Variants in KAZN observed in about 807,000 individuals in gnomAD.
KAZN encodes kazrin, periplakin interacting protein.
KAZN carries 40 observed loss-of-function variants against 87.4 expected under a neutral mutation model. The ratio of observed to expected loss-of-function variants is 0.46; its 90% CI spans 0.36 to 0.60. The LOEUF is 0.60. KAZN is among the 20% of genes least tolerant of loss of function. KAZN has a pLI of 0.00. For missense variants in KAZN, 898 were observed against 1,073.9 expected, an observed-to-expected ratio of 0.84 and a Z score of 2.29; for synonymous variants, 466 against 458.3, an observed-to-expected ratio of 1.02 and a Z score of -0.22.
At position 14,773,250 on chromosome 1, in the gene KAZN, C is replaced by T. The variant is rs1645071344; in HGVS notation, c.226+174027C>T. ...CCGGAAGAGATCTGATACTGAGATC[C>T]CGCTAGTCATGGGGTGAGCTACAGT... On this transcript the variant is annotated intron_variant, in intron 1 of 14. Coordinates refer to ENST00000376030, the MANE Select transcript of KAZN (RefSeq NM_201628.3). This position sits in a 1 kb window ranked among gnomAD's most constrained non-coding sequence, Gnocchi z 5.9. Among the ~76,000 whole-genome samples, 1 of 152,132 alleles carries T rather than the reference C, an allele frequency of 6.6e-6. No homozygotes were observed. The highest frequency in any genetic ancestry group is 6.5e-5 in the Admixed American group (1 of 15,278).
At chr1:14,443,833 A>C (rs79352019) in intron 2 of KAZN, among the ~76,000 whole-genome samples, 3 of 152,206 alleles carry the variant, frequency 2.0e-5, no homozygotes, top group Admixed American at 6.5e-5. Flanking sequence ...GCATTTTGCT[A>C]TAATTTTATA....
chr1:14,270,833 T>C (rs1651863571), intron 2 of KAZN, among the ~76,000 whole-genome samples: 1 of 152,192 alleles, frequency 6.6e-6, no homozygotes, highest in African/African-American at 2.4e-5. Context: ...TTCAATGCTT[T>C]ATTTTCTCTG....
chr1:14,594,832 C>A (rs1200808643), upstream of KAZN, among the ~76,000 whole-genome samples: 1 of 152,134 alleles, frequency 6.6e-6, no homozygotes, highest in Non-Finnish European at 1.5e-5. Flanking sequence ...GGGGTTAGGC[C>A]AGTGGGAGGG....
chr1:14,060,630 T>C (rs727667), intron 1 of KAZN, among the ~76,000 whole-genome samples: 35,426 of 152,030 alleles, frequency 0.23, 4,390 homozygotes, highest in African/African-American at 0.3. Flanking sequence ...CTGGAGCAGC[T>C]TGAAGCATCT....
At chr1:14,869,460 G>A (rs2101052198) in intron 1 of KAZN, among the ~76,000 whole-genome samples, 1 of 152,268 alleles carries the variant, frequency 6.6e-6, no homozygotes, top group African/African-American at 2.4e-5. Flanking sequence ...TAGGATGTGT[G>A]GCTGGGGCTT....
In KAZN at chr1:15,044,023, A is replaced by G. The variant is rs777981665; in HGVS notation, c.590A>G (p.Glu197Gly). 6.2e-7 allele frequency: 1 copy of G among 1,612,218 alleles called. No individual in the cohort carries two copies. The highest frequency in any genetic ancestry group is 8.5e-7 in the Non-Finnish European group (1 of 1,179,714). ...SEDAVKALAK[E>G]KDLLEREKWE... ...GATGCGGTCAAAGCGCTGGCCAAGG[A>G]GAAGGACCTGCTGGAGCGTGAGAAG... The change falls in exon 4 of 15, where the codon GAG becomes GGG. Residue 197 changes from glutamate (E) to glycine (G), a missense_variant. Transcript: ENST00000376030.
intron 2 of KAZN, among the ~76,000 whole-genome samples, chr1:14,332,131 C>A (rs538940799): frequency 6.6e-6 from 1 of 152,260 alleles, no homozygotes; most frequent in Non-Finnish European, 1.5e-5. Context: ...AGCCTGCAGA[C>A]CCCACAGAAA....
At chr1:14,719,787 C>T (rs1642998910) in intron 1 of KAZN, among the ~76,000 whole-genome samples, 3 of 152,084 alleles carry the variant, frequency 2.0e-5, no homozygotes, top group Admixed American at 6.5e-5. Flanking sequence ...TGCGGTGAGC[C>T]AAGATCACGC....
At chr1:15,027,286 T>A (rs1175274814) in intron 2 of KAZN, among the ~76,000 whole-genome samples, 1 of 152,016 alleles carries the variant, frequency 6.6e-6, no homozygotes, top group African/African-American at 2.4e-5. Context: ...TTCACCATGT[T>A]AGCCAGGATG....
chr1:15,000,644 AT>A (rs1402702664), intron 2 of KAZN, among the ~76,000 whole-genome samples: 4 of 151,894 alleles, frequency 2.6e-5, no homozygotes, highest in Non-Finnish European at 5.9e-5. Flanking sequence ...GTTGGGAAGA[AT>A]TTTTGAGGAT....
chr1:14,474,544 C>T (rs1243944719), intron 2 of KAZN, among the ~76,000 whole-genome samples: 1 of 152,194 alleles, frequency 6.6e-6, no homozygotes, highest in Non-Finnish European at 1.5e-5. Flanking sequence ...GCATAGCTGG[C>T]ATAGCATGAG....
At chr1:14,717,172 C>A (rs896414718) in intron 1 of KAZN, among the ~76,000 whole-genome samples, 14 of 151,408 alleles carry the variant, frequency 9.2e-5, no homozygotes, top group African/African-American at 3.2e-4. Flanking sequence ...CTCATAACCT[C>A]CCACTCCCCC....
intron 8 of KAZN, chr1:15,065,982 C>T: frequency 7.4e-7 from 1 of 1,352,816 alleles, no homozygotes; most frequent in Non-Finnish European, 9.5e-7. Context: ...CCTCTCTCCC[C>T]TGCGTCGCCA....
chr1:14,874,510 A>ATGGG (rs1275243086), intron 1 of KAZN, among the ~76,000 whole-genome samples: 1 of 151,820 alleles, frequency 6.6e-6, no homozygotes, highest in Non-Finnish European at 1.5e-5. Context: ...GGATGGATGG[A>ATGGG]TGGATGGATG....
At chr1:14,180,319 A>T in intron 1 of KAZN, 1 of 811,218 alleles carries the variant, frequency 1.2e-6, no homozygotes, top group East Asian at 2.7e-5. Context: ...TTCTTGATAC[A>T]TGCCTGGCTT....
At chr1:14,558,962 A>G (rs1674085893) in intron 2 of KAZN, among the ~76,000 whole-genome samples, 1 of 151,898 alleles carries the variant, frequency 6.6e-6, no homozygotes, top group Non-Finnish European at 1.5e-5. Context: ...TCCTCCTCTC[A>G]CCTTCTCTCT....
chr1:14,671,396 G>A (rs1360205119), intron 1 of KAZN, among the ~76,000 whole-genome samples: 1 of 152,220 alleles, frequency 6.6e-6, no homozygotes, highest in East Asian at 1.9e-4. Flanking sequence ...AGTCTTTGGA[G>A]AAACAGAAAG....
intron 1 of KAZN, among the ~76,000 whole-genome samples, chr1:14,851,366 C>T (rs1391176859): frequency 6.6e-6 from 1 of 152,188 alleles, no homozygotes; most frequent in Non-Finnish European, 1.5e-5. Flanking sequence ...GTGGTGGGGA[C>T]ACCCACTCAC....
chr1:14,660,878 G>A (rs899730723), intron 1 of KAZN, among the ~76,000 whole-genome samples: 1 of 152,080 alleles, frequency 6.6e-6, no homozygotes, highest in Non-Finnish European at 1.5e-5. Context: ...TTATCCATCT[G>A]GAAAGCAATG....
Sources: gnomAD v4.1 joint callset for allele counts (sites outside exome capture counted in the v4.1 genomes callset) on GRCh38, gnomAD v4.1.1 for gene constraint, Gnocchi (gnomAD v3.1) non-coding constraint, MANE v1.5 for transcripts, NCBI Gene and HGNC (gene_info 2026-07-23, HGNC 2026-07-21) for gene names.